NOX4: variants seen among roughly 807,000 people sequenced by gnomAD.
The protein encoded by NOX4 is kidney oxidase-1.
In NOX4, 69 loss-of-function variants were observed where a neutral mutation model predicts 87.6. The ratio of observed to expected loss-of-function variants is 0.79; its 90% CI spans 0.65 to 0.96. The LOEUF (loss-of-function observed/expected upper bound fraction) is 0.96, where lower values mean the gene tolerates loss of function less well. Among genes scored for constraint, NOX4 ranks in the 40% least tolerant of loss-of-function variants. NOX4 has a pLI of 0.00. For missense variants in NOX4, 680 were observed against 681.5 expected, an observed-to-expected ratio of 1.00 and a Z score of 0.02; for synonymous variants, 275 against 238.2, an observed-to-expected ratio of 1.15 and a Z score of -1.42.
intron 2 of NOX4, among the ~76,000 whole-genome samples, chr11:89,485,756 G>A (rs983424586): frequency 6.6e-6 from 1 of 152,136 alleles, no homozygotes; most frequent in Non-Finnish European, 1.5e-5. Flanking sequence ...AGGTTGCCAT[G>A]GGGGAGTGGA....
At chr11:89,410,583 A>C (rs1196234797) in intron 8 of NOX4, among the ~76,000 whole-genome samples, 1 of 151,998 alleles carries the variant, frequency 6.6e-6, no homozygotes, top group Non-Finnish European at 1.5e-5. Context: ...ATACATAAGG[A>C]GGTTAGGGAG....
chr11:89,569,880 T>C, the NOX4 span, among the ~76,000 whole-genome samples: 1 of 151,164 alleles, frequency 6.6e-6, no homozygotes, highest in Non-Finnish European at 1.5e-5. Flanking sequence ...CGGGCGCCTG[T>C]AATTCCAGCT....
At chr11:89,468,803 G>C (rs879506522) in intron 2 of NOX4, among the ~76,000 whole-genome samples, 34 of 152,226 alleles carry the variant, frequency 2.2e-4, no homozygotes, top group African/African-American at 7.5e-4. Flanking sequence ...GGAGTCCAAT[G>C]GTGTAATCAC....
chr11:89,497,581 G>T (rs961042209), intron 1 of NOX4, among the ~76,000 whole-genome samples: 4 of 152,174 alleles, frequency 2.6e-5, no homozygotes, highest in African/African-American at 9.7e-5. Flanking sequence ...AGCTCATTGA[G>T]CTCACCGAGC....
intron 12 of NOX4, among the ~76,000 whole-genome samples, chr11:89,360,382 A>C (rs1277678102): frequency 6.6e-6 from 1 of 152,244 alleles, no homozygotes; most frequent in East Asian, 1.9e-4. Flanking sequence ...TGAGGTGATA[A>C]ATACGTTAAT....
chr11:89,394,370 T>C (rs1941333513), intron 11 of NOX4, among the ~76,000 whole-genome samples: 1 of 151,724 alleles, frequency 6.6e-6, no homozygotes, highest in East Asian at 1.9e-4. Context: ...AAAAAAAAAC[T>C]CTTGCTGCTC....
intron 2 of NOX4, among the ~76,000 whole-genome samples, chr11:89,457,426 C>A (rs1945255950): frequency 6.6e-6 from 1 of 152,224 alleles, no homozygotes; most frequent in Non-Finnish European, 1.5e-5. Context: ...CAGTGTGCCA[C>A]CCAAGCCAAC....
chr11:89,568,735 G>T, the NOX4 span, among the ~76,000 whole-genome samples: 28 of 152,172 alleles, frequency 1.8e-4, 1 homozygote, highest in African/African-American at 6.7e-4. Context: ...ACAATCCTAA[G>T]CAAAAAGAAC....
chr11:89,481,109 T>C (rs1209864070), intron 2 of NOX4, among the ~76,000 whole-genome samples: 1 of 151,982 alleles, frequency 6.6e-6, no homozygotes, highest in East Asian at 1.9e-4. Flanking sequence ...CAAACAGCCA[T>C]TTATTAAGCA....
At chr11:89,530,221 G>A in the NOX4 span, among the ~76,000 whole-genome samples, 3 of 150,194 alleles carry the variant, frequency 2.0e-5, no homozygotes, top group Admixed American at 6.7e-5. Flanking sequence ...TGTAAGTACT[G>A]TCAACATACT....
chr11:89,480,261 C>T (rs1946338150), intron 2 of NOX4, among the ~76,000 whole-genome samples: 1 of 152,104 alleles, frequency 6.6e-6, no homozygotes, highest in African/African-American at 2.4e-5. Context: ...GGCATGAAGA[C>T]AAACGTCTCA....
intron 7 of NOX4, among the ~76,000 whole-genome samples, chr11:89,428,022 C>T (rs534388588): frequency 1.3e-5 from 2 of 152,344 alleles, no homozygotes; most frequent in South Asian, 4.1e-4. Context: ...GCTGATCTCT[C>T]AGCAGAAACT....
At chr11:89,367,492 A>G (rs1939096666) in intron 12 of NOX4, among the ~76,000 whole-genome samples, 2 of 152,106 alleles carry the variant, frequency 1.3e-5, no homozygotes, top group South Asian at 2.1e-4. Context: ...TCCTAATGAC[A>G]TGATTTTTAT....
At chr11:89,562,150 C>A in the NOX4 span, among the ~76,000 whole-genome samples, 1 of 152,044 alleles carries the variant, frequency 6.6e-6, no homozygotes, top group Non-Finnish European at 1.5e-5. Context: ...TTGTTGCATG[C>A]TAAATATTCC....
At chr11:89,527,743 C>G in the NOX4 span, among the ~76,000 whole-genome samples, 1 of 152,080 alleles carries the variant, frequency 6.6e-6, no homozygotes, top group Non-Finnish European at 1.5e-5. Context: ...TATGGAAGTG[C>G]CTAGATGTCT....
chr11:89,459,694 T>G (rs370244754), intron 2 of NOX4, among the ~76,000 whole-genome samples: 6,599 of 152,038 alleles, frequency 0.043, 431 homozygotes, highest in African/African-American at 0.15. Flanking sequence ...TCCATGCTCA[T>G]GGGTAGGAAG....
the NOX4 span, among the ~76,000 whole-genome samples, chr11:89,579,807 C>A: frequency 1.3e-5 from 2 of 151,110 alleles, no homozygotes; most frequent in African/African-American, 2.4e-5. Context: ...GAAATAAAAC[C>A]AATTAATTCA....
chr11:89,460,703 G>GT, intron 2 of NOX4, among the ~76,000 whole-genome samples: 2 of 152,308 alleles, frequency 1.3e-5, no homozygotes, highest in South Asian at 4.1e-4. Context: ...CTTTTACACT[G>GT]TTGGTGGGAC....
Position 89,440,677 on chromosome 11 carries a change from T to A in NOX4, c.475+11A>T. 4 of 1,542,520 alleles carry A rather than the reference T, an allele frequency of 2.6e-6. No homozygotes were observed. The highest frequency in any genetic ancestry group is 3.5e-6 in the Non-Finnish European group (4 of 1,132,170). On this transcript the variant is annotated intron_variant, in intron 6 of 17. Coordinates refer to ENST00000263317, the MANE Select transcript of NOX4 (RefSeq NM_016931.5). ...CTAAACCTAAAGAAAAGGCTAAGAA[T>A]AACAACTTACCAGTTGTGAAGAGAA...
Sources: allele counts gnomAD v4.1 joint callset (sites outside exome capture counted in the v4.1 genomes callset), GRCh38; gene constraint gnomAD v4.1.1; transcripts MANE v1.5; gene names NCBI Gene and HGNC (gene_info 2026-07-23, HGNC 2026-07-21).